The following RBPJ variants were observed in gnomAD, a reference collection of about 807,000 sequenced individuals.
RBPJ encodes the protein recombination signal binding protein for immunoglobulin kappa J region, also known as recombining binding protein suppressor of hairless.
RBPJ carries 9 observed loss-of-function variants against 67.8 expected under a neutral mutation model. The ratio of observed to expected loss-of-function variants is 0.13; its 90% confidence interval spans 0.08 to 0.23. The LOEUF (loss-of-function observed/expected upper bound fraction) is 0.23, where lower values mean the gene tolerates loss of function less well. RBPJ is among the 10% of genes least tolerant of loss of function. The probability of loss-of-function intolerance (pLI) is 1.00; values close to 1 mark genes in which losing one functional copy is unlikely to be tolerated. For missense variants in RBPJ, 305 were observed against 595.6 expected (o/e 0.51, Z 5.08); for synonymous variants, 198 against 203.3 (o/e 0.97, Z 0.22).
the RBPJ span, among the ~76,000 whole-genome samples, chr4:26,143,951 C>A: frequency 1.3e-5 from 2 of 151,954 alleles, 1 homozygote; most frequent in East Asian, 3.9e-4. Context: ...AAAACAGATT[C>A]ACATTAAAAA....
intron 1 of RBPJ, among the ~76,000 whole-genome samples, chr4:26,285,360 C>A (rs1379893878): frequency 1.5e-5 from 2 of 137,312 alleles, no homozygotes. Flanking sequence ...TAGGGCATAA[C>A]AAGTTACCCC....
chr4:26,155,912 G>C, the RBPJ span, among the ~76,000 whole-genome samples: 6 of 152,158 alleles, frequency 3.9e-5, no homozygotes, highest in African/African-American at 7.2e-5. Context: ...AGAAAGCATG[G>C]TAGGTGTTCC....
At chr4:26,333,408 T>G (rs1724460768) in intron 1 of RBPJ, among the ~76,000 whole-genome samples, 1 of 152,226 alleles carries the variant, frequency 6.6e-6, no homozygotes, top group South Asian at 2.1e-4. Flanking sequence ...ATCTATTAGA[T>G]TACTTTAAAT....
chr4:26,294,377 A>G (rs1474054928), intron 1 of RBPJ, among the ~76,000 whole-genome samples: 1 of 152,306 alleles, frequency 6.6e-6, no homozygotes, highest in Admixed American at 6.5e-5. Context: ...GAATACAGGC[A>G]TGAGCCATCA....
At chr4:26,419,808 A>G (rs1649424638) in intron 4 of RBPJ, among the ~76,000 whole-genome samples, 1 of 152,156 alleles carries the variant, frequency 6.6e-6, no homozygotes, top group African/African-American at 2.4e-5. Context: ...TGCTGTTTGT[A>G]AAGTGCTATA....
intron 1 of RBPJ, among the ~76,000 whole-genome samples, chr4:26,365,173 G>A (rs1421486431): frequency 2.6e-5 from 4 of 152,008 alleles, no homozygotes; most frequent in Non-Finnish European, 4.4e-5. Context: ...AAGTGTTGAT[G>A]ATTATTAAAT....
rs80090086 is a variant in RBPJ at position 26,230,491 on chromosome 4, T to C, written c.-167+66877T>C. On this transcript the variant is annotated intron_variant, in intron 1 of 4. Transcript: ENST00000512351. ...TTAGGTCCTATTTTAACCCCCATTT[T>C]ATAGATGAGGACACAGGCATGAGGA... Among the ~76,000 whole-genome samples, 34 of 152,350 alleles carry C rather than the reference T, an allele frequency of 2.2e-4. No homozygotes were observed. The East Asian group carries it at 6.4e-3, about 29-fold the overall frequency.
Position 26,274,832 on chromosome 4 carries a change from G to C in RBPJ, c.-166-87614G>C, listed in dbSNP as rs559606877. On this transcript the variant is annotated intron_variant, in intron 1 of 4. Transcript: ENST00000512351. ...ATTTGTGATCCCAGCTATTCGGAAG[G>C]CTAAAGCAGGAGAATTGCTTGAACC... Among the ~76,000 whole-genome samples, 4 of 152,208 alleles carry C rather than the reference G, an allele frequency of 2.6e-5. No individual in the cohort carries two copies. In the South Asian group the frequency reaches 8.3e-4, roughly 32 times the overall value.
At chr4:26,131,732 G>A in the RBPJ span, among the ~76,000 whole-genome samples, 1 of 152,204 alleles carries the variant, frequency 6.6e-6, no homozygotes, top group Non-Finnish European at 1.5e-5. Context: ...TGGTGGCCCT[G>A]TTGACTCCTT....
the RBPJ span, among the ~76,000 whole-genome samples, chr4:26,157,012 G>GCTGTGGT: frequency 4.0e-5 from 6 of 151,114 alleles, no homozygotes; most frequent in Non-Finnish European, 5.9e-5. Context: ...GGAGACTGAG[G>GCTGTGGT]CTGTGGTGTG....
chr4:26,331,910 G>T (rs2109358474), intron 1 of RBPJ, among the ~76,000 whole-genome samples: 2 of 152,356 alleles, frequency 1.3e-5, no homozygotes, highest in East Asian at 3.9e-4. Context: ...ATACAGAGAA[G>T]AGAGGCTACA....
At chr4:26,110,293 G>A in the RBPJ span, among the ~76,000 whole-genome samples, 3 of 152,298 alleles carry the variant, frequency 2.0e-5, no homozygotes, top group Admixed American at 1.3e-4. The surrounding 1 kb of genome is among the most constrained non-coding windows in gnomAD (Gnocchi z 4.5). Context: ...GGGGATGGAG[G>A]ACACGACTTA....
At chr4:26,272,633 G>C (rs1190600596) in intron 1 of RBPJ, 2 of 445,866 alleles carry the variant, frequency 4.5e-6, no homozygotes, top group Non-Finnish European at 9.0e-6. Flanking sequence ...TTTGGTTGCA[G>C]ATGAACTTGC....
At chr4:26,397,823 C>T (rs1347976033) in intron 2 of RBPJ, among the ~76,000 whole-genome samples, 1 of 152,078 alleles carries the variant, frequency 6.6e-6, no homozygotes, top group Admixed American at 6.5e-5. Context: ...TTAGTAGAGA[C>T]AGGGTTTCAC....
At chr4:26,149,542 A>G in the RBPJ span, among the ~76,000 whole-genome samples, 1 of 152,230 alleles carries the variant, frequency 6.6e-6, no homozygotes, top group Admixed American at 6.5e-5. Flanking sequence ...GGGATCCTTA[A>G]GAGGTGATTA....
At chr4:26,406,792 A>G (rs1733464016) in intron 3 of RBPJ, among the ~76,000 whole-genome samples, 1 of 152,254 alleles carries the variant, frequency 6.6e-6, no homozygotes, top group Non-Finnish European at 1.5e-5. Context: ...ATTTCCAAAT[A>G]AGGAAGGGGC....
At chr4:26,328,602 T>C (rs982452684) in intron 1 of RBPJ, among the ~76,000 whole-genome samples, 1 of 152,144 alleles carries the variant, frequency 6.6e-6, no homozygotes, top group Non-Finnish European at 1.5e-5. Context: ...AGACCTTGAG[T>C]GCTAACCTGA....
At chr4:26,170,630 A>G (rs1307996025) in intron 1 of RBPJ, among the ~76,000 whole-genome samples, 2 of 152,184 alleles carry the variant, frequency 1.3e-5, no homozygotes, top group Non-Finnish European at 2.9e-5. Flanking sequence ...AAGAGCAGTT[A>G]AGTGAGATGT....
chr4:26,203,424 C>CAT (rs1469309120), intron 1 of RBPJ, among the ~76,000 whole-genome samples: 1 of 152,188 alleles, frequency 6.6e-6, no homozygotes, highest in Non-Finnish European at 1.5e-5. Context: ...GTAGGGTCTC[C>CAT]ATACCCCTAT....
Sources: gnomAD v4.1 joint callset for allele counts (sites outside exome capture counted in the v4.1 genomes callset) on GRCh38, gnomAD v4.1.1 for gene constraint, Gnocchi (gnomAD v3.1) non-coding constraint, MANE v1.5 for transcripts, NCBI Gene and HGNC (gene_info 2026-07-23, HGNC 2026-07-21) for gene names.